The following ADAM19 variants were observed in gnomAD, a reference collection of about 807,000 sequenced individuals.
ADAM19 encodes ADAM metallopeptidase domain 19.
Under a neutral mutation model 114.7 loss-of-function variants are expected in ADAM19, and 65 were observed. That is an observed-to-expected ratio of 0.57 (90% CI 0.46 to 0.70). The LOEUF (loss-of-function observed/expected upper bound fraction) is 0.70, where lower values mean the gene tolerates loss of function less well. ADAM19 is among the 30% of genes least tolerant of loss of function. The probability of loss-of-function intolerance (pLI) is 0.00; values close to 1 mark genes in which losing one functional copy is unlikely to be tolerated. For synonymous variants in ADAM19, 466 were observed against 460.5 expected (o/e 1.01, Z -0.15); for missense variants, 1,063 against 1,204.7 (o/e 0.88, Z 1.74).
chr5:157,513,543 C>T (rs1323321698), intron 7 of ADAM19, 38 bp from the exon 8 acceptor site: 13 of 1,573,028 alleles, frequency 8.3e-6, no homozygotes, highest in Non-Finnish European at 1.1e-5. Context: ...GATCCCAGAA[C>T]CTCTCACAGG....
rs1467477447 is a variant in ADAM19 at position 157,479,528 on chromosome 5, G to A, written c.*1421C>T. 6.1e-6 allele frequency: 6 copies of A among 985,706 alleles called. No individual in the cohort carries two copies. The highest frequency in any genetic ancestry group is 1.1e-4 in the East Asian group (1 of 8,814). 61.1% of individuals were successfully genotyped at this position (985,706 alleles called of 1,614,324 possible). The stretch of plus-strand genomic sequence containing the variant: ...CATCTCCAGGTGCTTTGCAAAAACC[G>A]TCCTATCTAGCAAAGCACCACACGG... On this transcript the variant is annotated 3_prime_UTR_variant, in exon 23 of 23. Transcript: ENST00000257527.
At position 157,575,706 on chromosome 5, in the gene ADAM19, G is replaced by A. The variant is rs997019785; in HGVS notation, c.-10C>T. 7.6e-7 allele frequency: 1 copy of A among 1,316,996 alleles called. No individual in the cohort carries two copies. Among genetic ancestry groups the A allele is most frequent in the Non-Finnish European group, 9.7e-7 (1 of 1,035,700 alleles). 81.6% of individuals were successfully genotyped at this position (1,316,996 alleles called of 1,614,324 possible). ...CTGCGCCCCCTGGCATGGTGGCGGC[G>A]GCCCTTAGCGCTCGGCGCTCACACG... On this transcript the variant is annotated 5_prime_UTR_variant, in exon 1 of 23. Coordinates refer to ENST00000257527, the MANE Select transcript of ADAM19 (RefSeq NM_033274.5).
chr5:157,514,320 A>G (rs1581317969), intron 7 of ADAM19, among the ~76,000 whole-genome samples: 1 of 150,030 alleles, frequency 6.7e-6, no homozygotes, highest in Non-Finnish European at 1.5e-5. Context: ...CGATTCAATC[A>G]CATTTCTTTC....
intron 9 of ADAM19, among the ~76,000 whole-genome samples, chr5:157,508,470 A>G (rs1028809668): frequency 2.7e-4 from 41 of 152,076 alleles, no homozygotes; most frequent in Non-Finnish European, 3.4e-4. Flanking sequence ...TTGGCCGGGC[A>G]TGGTGGTGCA....
intron 4 of ADAM19, among the ~76,000 whole-genome samples, chr5:157,533,537 C>T (rs1039290857): frequency 7.9e-5 from 12 of 152,196 alleles, no homozygotes; most frequent in East Asian, 7.7e-4. Context: ...CCACAAACCC[C>T]GTAGCACAGG....
In ADAM19 at chr5:157,501,163, G is replaced by A. The variant is rs146797345; in HGVS notation, c.1309-1501C>T. 1.2e-3 allele frequency among the ~76,000 whole-genome samples: 176 copies of A among 152,132 alleles called. 1 individual carries two copies. The highest frequency in any genetic ancestry group is 4.2e-3 in the African/African-American group (173 of 41,490). On this transcript the variant is annotated intron_variant, in intron 12 of 22. Coordinates refer to ENST00000257527, the MANE Select transcript of ADAM19 (RefSeq NM_033274.5). ...CTCCCATTATTCTCCCACCATGTTG[G>A]GCTCCAGGAAGACCTGTATTCCTGC...
Position 157,477,435 on chromosome 5 carries a change from A to C in ADAM19, c.*3514T>G, listed in dbSNP as rs948762631. The C allele has an allele frequency of 9.7e-7, 1 of 1,030,850 alleles. No homozygotes were observed. Among genetic ancestry groups the C allele is most frequent in the Non-Finnish European group, 1.2e-6 (1 of 854,476 alleles). 63.9% of individuals were successfully genotyped at this position (1,030,850 alleles called of 1,614,324 possible). On this transcript the variant is annotated 3_prime_UTR_variant, in exon 23 of 23. Coordinates refer to ENST00000257527, the MANE Select transcript of ADAM19 (RefSeq NM_033274.5). ...AATTAATAGGTGGACAAGAGAGAAG[A>C]AGATCTGTTTTCCGTGAACAATCTC...
At chr5:157,521,452 T>C (rs1327117648) in intron 5 of ADAM19, among the ~76,000 whole-genome samples, 2 of 152,168 alleles carry the variant, frequency 1.3e-5, no homozygotes, top group East Asian at 3.9e-4. Flanking sequence ...TTAGCTTATC[T>C]CAGCTTCCAC....
At chr5:157,520,670 G>A (rs553633616) in intron 5 of ADAM19, among the ~76,000 whole-genome samples, 2 of 152,318 alleles carry the variant, frequency 1.3e-5, no homozygotes, top group Admixed American at 6.5e-5. Context: ...TGATTAAGTG[G>A]AAAGACAAGG....
In ADAM19 at chr5:157,546,858, C is replaced by T. The variant is rs536872601; in HGVS notation, c.252-8867G>A. Among the ~76,000 whole-genome samples the T allele has an allele frequency of 4.6e-5, 7 of 152,284 alleles. 1 individual carries two copies. The highest frequency in any genetic ancestry group is 7.4e-5 in the Non-Finnish European group (5 of 68,022). On this transcript the variant is annotated intron_variant, in intron 3 of 22. Coordinates refer to ENST00000257527, the MANE Select transcript of ADAM19 (RefSeq NM_033274.5). Reference sequence around the variant, plus strand: ...ATAAAGACCCCATTTCTCCTTCAACCGGCTGAGGAAAGTCCGGCCCAGCTC... The same window carrying T: ...ATAAAGACCCCATTTCTCCTTCAACTGGCTGAGGAAAGTCCGGCCCAGCTC...
chr5:157,522,372 G>C (rs924459945), intron 5 of ADAM19, among the ~76,000 whole-genome samples: 1 of 152,200 alleles, frequency 6.6e-6, no homozygotes, highest in African/African-American at 2.4e-5. Context: ...CATGTGCCAT[G>C]GTGATTTGCT....
intron 3 of ADAM19, among the ~76,000 whole-genome samples, chr5:157,542,259 GTT>G (rs11327769): frequency 0.033 from 4,801 of 145,672 alleles, 87 homozygotes; most frequent in South Asian, 0.07. Flanking sequence ...ATTTTTAATA[GTT>G]TTTTTTTTTT....
rs1754670497 is a variant in ADAM19, at chr5:157,478,910, G to A, written c.*2039C>T. On this transcript the variant is annotated 3_prime_UTR_variant, in exon 23 of 23. Coordinates refer to ENST00000257527, the MANE Select transcript of ADAM19 (RefSeq NM_033274.5). ...TTCAGAGCTATCTACCTCCTGATGTGAGGGAGAAAGGCTGGAGAAGCCACA... is the reference window on the plus strand; with the variant it reads ...TTCAGAGCTATCTACCTCCTGATGTAAGGGAGAAAGGCTGGAGAAGCCACA... 1.0e-6 allele frequency: 1 copy of A among 985,624 alleles called. No individual in the cohort carries two copies. Among genetic ancestry groups the A allele is most frequent in the African/African-American group, 1.7e-5 (1 of 57,232 alleles). 61.1% of individuals were successfully genotyped at this position (985,624 alleles called of 1,614,324 possible). A position where few individuals can be genotyped will look rare whatever the true frequency, so the allele number is the denominator to read the frequency against.
intron 21 of ADAM19, among the ~76,000 whole-genome samples, chr5:157,482,580 T>C (rs1212534170): frequency 1.3e-5 from 2 of 152,186 alleles, no homozygotes; most frequent in Non-Finnish European, 2.9e-5. Flanking sequence ...AATTTTTGTA[T>C]AAGGTGTAAG....
chr5:157,573,781 A>G (rs1160886718), intron 1 of ADAM19, among the ~76,000 whole-genome samples: 3 of 151,734 alleles, frequency 2.0e-5, no homozygotes, highest in Non-Finnish European at 2.9e-5. Context: ...TGAAGGAAGG[A>G]AATTAAAAAA....
chr5:157,546,326 G>GCACA (rs1303487791), intron 3 of ADAM19, among the ~76,000 whole-genome samples: 5 of 152,210 alleles, frequency 3.3e-5, no homozygotes, highest in African/African-American at 4.8e-5. Flanking sequence ...GTGTGTGCAT[G>GCACA]CATGTGTGCG....
chr5:157,501,971 C>T (rs185734247), intron 12 of ADAM19, among the ~76,000 whole-genome samples: 56 of 152,172 alleles, frequency 3.7e-4, no homozygotes, highest in African/African-American at 1.3e-3. Context: ...GCAGGAGAAT[C>T]GCTTGAACCC....
chr5:157,481,164 C>T, intron 22 of ADAM19, 162 bp from the exon 23 acceptor site: 3 of 901,350 alleles, frequency 3.3e-6, no homozygotes, highest in Non-Finnish European at 3.3e-6. Context: ...CCCAGACCAT[C>T]AGCCCTGCAG....
chr5:157,544,404 A>G (rs1756996904), intron 3 of ADAM19, among the ~76,000 whole-genome samples: 1 of 152,214 alleles, frequency 6.6e-6, no homozygotes, highest in African/African-American at 2.4e-5. Flanking sequence ...AGTCCGCACA[A>G]GACCTGGCAC....
Sources: allele counts gnomAD v4.1 joint callset (sites outside exome capture counted in the v4.1 genomes callset), GRCh38; gene constraint gnomAD v4.1.1; transcripts MANE v1.5; gene names NCBI Gene and HGNC (gene_info 2026-07-23, HGNC 2026-07-21).